Variants in AMHR2 observed in about 807,000 individuals in gnomAD.
AMHR2 encodes the protein anti-Muellerian hormone type-2 receptor.
AMHR2 carries 36 observed loss-of-function variants against 61.4 expected under a neutral mutation model. The ratio of observed to expected loss-of-function variants is 0.59; its 90% confidence interval spans 0.45 to 0.77. The LOEUF (loss-of-function observed/expected upper bound fraction) is 0.77. Ranked by LOEUF, AMHR2 falls within the 30% of genes least tolerant of loss-of-function variation. The pLI is 0.00. For missense variants in AMHR2, 638 were observed against 714.6 expected (o/e 0.89, Z 1.22); for synonymous variants, 258 against 279.4 (o/e 0.92, Z 0.76).
At chr12:53,429,193 C>T (rs368511688) in intron 7 of AMHR2, among the ~76,000 whole-genome samples, 183 bp downstream of exon 7, 4 of 152,060 alleles carry the variant, frequency 2.6e-5, no homozygotes, top group South Asian at 4.1e-4. Flanking sequence ...GAGATCGAGG[C>T]CATCCTGGCT....
chr12:53,429,554 G>C lies in AMHR2; in HGVS notation c.1069G>C (p.Val357Leu). Residue 357 changes from valine (V) to leucine (L), a missense_variant, in exon 8 of 11, where the codon GTG becomes CTG. Physicochemically the swap from Val to Leu is conservative, Grantham distance 32. Coordinates refer to ENST00000257863, the MANE Select transcript of AMHR2 (RefSeq NM_020547.3). ...CATTGGAGACCTGGGCCTTGCCTTG[G>C]TGCTCCCTGGCCTCACTCAGCCCCC... ...CAIGDLGLAL[V>L]LPGLTQPPAW... The C allele has an allele frequency of 6.2e-7, 1 of 1,613,804 alleles. No individual in the cohort carries two copies.
At position 53,425,568 on chromosome 12, in the gene AMHR2, T is replaced by A. The variant is rs1425062469; in HGVS notation, c.616T>A (p.Ser206Thr). ...ELQELPELCF[S>T]QVIREGGHAV... is the part of the protein sequence containing the mutation. ...GCAGGAGCTGCCTGAGCTGTGTTTC[T>A]CCCAGGTGCCCCAGGGAGGGAGAGA... The change falls in exon 5 of 11, where the codon TCC (serine) becomes ACC (threonine). Residue 206 changes from serine to threonine, a missense_variant. Transcript: ENST00000257863. 6.2e-7 allele frequency: 1 copy of A among 1,613,782 alleles called. No individual in the cohort carries two copies. Among genetic ancestry groups the A allele is most frequent in the Admixed American group, 1.7e-5 (1 of 59,978 alleles).
chr12:53,430,983 C>T, intron 10 of AMHR2, 194 bp from the exon 11 acceptor site: 1 of 685,038 alleles, frequency 1.5e-6, no homozygotes, highest in South Asian at 1.7e-5. Context: ...TACAGAAGGC[C>T]CCCAGAGAGC....
chr12:53,425,396 G>C, intron 4 of AMHR2, 59 bp from the exon 5 acceptor site: 1 of 1,607,484 alleles, frequency 6.2e-7, no homozygotes, highest in Non-Finnish European at 8.5e-7. Context: ...TTTCCACGAA[G>C]TCCCTTTTCC....
rs1233495624 is a variant in AMHR2 at position 53,430,210 on chromosome 12, T to C, written c.1353T>C (p.Asp451=). ...AACTGGGCAATACCCCTACCTCTGATGAGCTATGGGCCTTGGCAGTGCAGG... is the reference window on the plus strand; with the variant it reads ...AACTGGGCAATACCCCTACCTCTGACGAGCTATGGGCCTTGGCAGTGCAGG... ...EAELGNTPTS[D]ELWALAVQER... is the part of the protein sequence containing the mutation. The change falls in exon 10 of 11, where the codon GAT becomes GAC. Residue 451 remains aspartate (D), a synonymous_variant. Transcript: ENST00000257863. 1 of 1,611,190 alleles carries C rather than the reference T, an allele frequency of 6.2e-7. No individual in the cohort carries two copies. The highest frequency in any genetic ancestry group is 1.3e-5 in the African/African-American group (1 of 74,888).
At chr12:53,425,940 A>G (rs1565834163) in intron 6 of AMHR2, 21 bp downstream of exon 6, 1 of 1,600,392 alleles carries the variant, frequency 6.2e-7, no homozygotes, top group South Asian at 1.1e-5. Flanking sequence ...AGGAGTGTAT[A>G]TGTGTGTGTG....
chr12:53,429,279 C>A (rs1939896880), intron 7 of AMHR2, among the ~76,000 whole-genome samples, 174 bp from the exon 8 acceptor site: 1 of 151,922 alleles, frequency 6.6e-6, no homozygotes, highest in Non-Finnish European at 1.5e-5. Flanking sequence ...GTAGTCCCAG[C>A]TACTCGGGAG....
chr12:53,426,644 A>G (rs1015780933), intron 6 of AMHR2, among the ~76,000 whole-genome samples: 3 of 151,882 alleles, frequency 2.0e-5, no homozygotes, highest in Non-Finnish European at 4.4e-5. Context: ...ATTTTTATTT[A>G]TCTTTTTTAT....
At chr12:53,426,941 C>A (rs12811015) in intron 6 of AMHR2, among the ~76,000 whole-genome samples, 5 of 148,438 alleles carry the variant, frequency 3.4e-5, no homozygotes, top group Admixed American at 6.8e-5. Flanking sequence ...TCTTAGCCCC[C>A]CAAAGTGCTG....
chr12:53,425,084 A>T, intron 3 of AMHR2, 81 bp from the exon 4 acceptor site: 2 of 1,605,088 alleles, frequency 1.2e-6, no homozygotes, highest in Non-Finnish European at 1.7e-6. Context: ...GTGGGTTGAG[A>T]CGCAAGCTCT....
intron 10 of AMHR2, chr12:53,430,668 A>G (rs1310626367): frequency 2.6e-6 from 1 of 378,166 alleles, no homozygotes; most frequent in Non-Finnish European, 5.0e-6. Context: ...TCAATTCAAT[A>G]AGTCCCCATT....
intron 10 of AMHR2, 76 bp from the exon 11 acceptor site, chr12:53,431,097 TGGAC>T (rs1940062031): frequency 6.6e-7 from 1 of 1,520,120 alleles, no homozygotes; most frequent in African/African-American, 1.4e-5. Context: ...AGGAGAGTGA[TGGAC>T]ACTGAAGATG....
intron 6 of AMHR2, 33 bp downstream of exon 6, chr12:53,425,952 G>GTT (rs774742716): frequency 1.3e-6 from 2 of 1,591,850 alleles, no homozygotes; most frequent in African/African-American, 2.7e-5. Context: ...GTGTGTGTGT[G>GTT]TGCCTGTGTG....
chr12:53,431,411 A>G lies in AMHR2; in HGVS notation c.1660A>G (p.Ser554Gly), dbSNP rs766874657. The change falls in exon 11 of 11, where the codon AGC (serine) becomes GGC (glycine). Residue 554 changes from serine to glycine, a missense_variant. Transcript: ENST00000257863. The part of the protein sequence containing the change: ...CRPQRSACHF[S>G]VQQGPCSRNP... ...GCCTCAGCGGAGTGCCTGCCACTTC[A>G]GCGTTCAGCAAGGCCCTTGTTCCAG... The G allele has an allele frequency of 3.1e-6, 5 of 1,614,116 alleles. No homozygotes were observed. Among genetic ancestry groups the G allele is most frequent in the Non-Finnish European group, 4.2e-6 (5 of 1,180,040 alleles).
chr12:53,424,506 G>A (rs1939361417), intron 2 of AMHR2, 36 bp downstream of exon 2: 2 of 1,602,910 alleles, frequency 1.2e-6, no homozygotes, highest in Non-Finnish European at 1.7e-6. Flanking sequence ...GATGGCTAGG[G>A]TGGGAGACAG....
Position 53,424,765 on chromosome 12 carries a change from C to G in AMHR2, c.289C>G (p.Arg97Gly). The G allele has an allele frequency of 6.2e-7, 1 of 1,613,892 alleles. No homozygotes were observed. Among genetic ancestry groups the G allele is most frequent in the Non-Finnish European group, 8.5e-7 (1 of 1,179,914 alleles). Residue 97 changes from arginine (R) to glycine (G), a missense_variant, in exon 3 of 11, where the codon CGA becomes GGA. Arg to Gly is a moderately radical substitution (Grantham distance 125). Coordinates refer to ENST00000257863, the MANE Select transcript of AMHR2 (RefSeq NM_020547.3). ...GTCCCTCCACTGTGACCCAAGTCCC[C>G]GAGCCCACCCCAGCCCTGGCTCCAC... ...CESLHCDPSP[R>G]AHPSPGSTLF...
chr12:53,426,195 C>G (rs1939565458), intron 6 of AMHR2, among the ~76,000 whole-genome samples: 1 of 152,012 alleles, frequency 6.6e-6, no homozygotes, highest in African/African-American at 2.4e-5. Flanking sequence ...CTCAGCATGG[C>G]AGTGCACACC....
intron 10 of AMHR2, 161 bp downstream of exon 10, chr12:53,430,443 G>A (rs1487217493): frequency 2.2e-5 from 24 of 1,091,302 alleles, no homozygotes; most frequent in Non-Finnish European, 2.8e-5. Context: ...TCCTCTCCCC[G>A]TCAGTTCATC....
intron 1 of AMHR2, 152 bp from the exon 2 acceptor site, chr12:53,424,136 G>T: frequency 7.6e-7 from 1 of 1,320,442 alleles, no homozygotes; most frequent in Non-Finnish European, 1.1e-6. Flanking sequence ...CAGGGCTCAG[G>T]TTCCAGGCCT....
Sources: gnomAD v4.1 joint callset for allele counts (sites outside exome capture counted in the v4.1 genomes callset) on GRCh38, gnomAD v4.1.1 for gene constraint, MANE v1.5 for transcripts, NCBI Gene and HGNC (gene_info 2026-07-23, HGNC 2026-07-21) for gene names.